PPARGC1A: variants seen among roughly 807,000 people sequenced by gnomAD.
The protein encoded by PPARGC1A is PPARG coactivator 1 alpha, also known as peroxisome proliferator-activated receptor gamma coactivator 1-alpha.
Under a neutral mutation model 88.7 loss-of-function variants are expected in PPARGC1A, and 25 were observed. The observed-to-expected ratio is 0.28, with a 90% CI of 0.21 to 0.39. PPARGC1A has a LOEUF of 0.39. Ranked by LOEUF, PPARGC1A falls within the 10% of genes least tolerant of loss-of-function variation. The pLI, the probability that PPARGC1A is intolerant of heterozygous loss-of-function variation, is 1.00. For synonymous variants in PPARGC1A, 363 were observed against 355.6 expected, an observed-to-expected ratio of 1.02 and a Z score of -0.24; for missense variants, 880 against 968.7, an observed-to-expected ratio of 0.91 and a Z score of 1.22.
At chr4:24,319,630 T>C in the PPARGC1A span, among the ~76,000 whole-genome samples, 1 of 152,204 alleles carries the variant, frequency 6.6e-6, no homozygotes, top group Non-Finnish European at 1.5e-5. Flanking sequence ...CTCATTACTG[T>C]AGACACTGTT....
chr4:23,948,758 T>C, the PPARGC1A span, among the ~76,000 whole-genome samples: 1 of 152,214 alleles, frequency 6.6e-6, no homozygotes, highest in Non-Finnish European at 1.5e-5. Flanking sequence ...TGATAAATTA[T>C]ATGATCACTC....
chr4:24,125,754 T>C, the PPARGC1A span, among the ~76,000 whole-genome samples: 2 of 152,244 alleles, frequency 1.3e-5, no homozygotes, highest in East Asian at 1.9e-4. Context: ...ATACCCCCAA[T>C]ATATTAAATT....
At chr4:24,344,725 T>G in the PPARGC1A span, among the ~76,000 whole-genome samples, 1 of 152,308 alleles carries the variant, frequency 6.6e-6, no homozygotes, top group South Asian at 2.1e-4. Flanking sequence ...CTGCTGACTC[T>G]TCCTTTTGCC....
the PPARGC1A span, among the ~76,000 whole-genome samples, chr4:23,952,330 C>G: frequency 1.3e-5 from 2 of 152,140 alleles, no homozygotes; most frequent in South Asian, 4.1e-4. Context: ...CCATATAAAG[C>G]CTCCCCTAGG....
the PPARGC1A span, among the ~76,000 whole-genome samples, chr4:24,465,147 C>T: frequency 2.6e-5 from 4 of 152,096 alleles, no homozygotes; most frequent in South Asian, 4.1e-4. Flanking sequence ...ATTACAGGTG[C>T]GAAAAACCGT....
At chr4:23,928,988 G>C in the PPARGC1A span, among the ~76,000 whole-genome samples, 10 of 152,138 alleles carry the variant, frequency 6.6e-5, no homozygotes, top group South Asian at 1.2e-3. Flanking sequence ...GATGCGGTTG[G>C]GGGAGGGAGA....
the PPARGC1A span, among the ~76,000 whole-genome samples, chr4:24,137,910 T>C: frequency 6.6e-6 from 1 of 152,230 alleles, no homozygotes; most frequent in Admixed American, 6.5e-5. Context: ...TTGATAATTC[T>C]ATGATGACAA....
chr4:24,376,467 C>T, the PPARGC1A span, among the ~76,000 whole-genome samples: 1 of 152,176 alleles, frequency 6.6e-6, no homozygotes, highest in South Asian at 2.1e-4. Context: ...ATAAAGCATC[C>T]TTCCATTTCC....
At chr4:24,095,712 T>G in the PPARGC1A span, among the ~76,000 whole-genome samples, 1 of 152,086 alleles carries the variant, frequency 6.6e-6, no homozygotes, top group Admixed American at 6.5e-5. Flanking sequence ...GAAACTTATT[T>G]CTCGCCATTC....
chr4:24,277,445 A>C, the PPARGC1A span, among the ~76,000 whole-genome samples: 1 of 150,536 alleles, frequency 6.6e-6, no homozygotes. Context: ...TCTTGCCCCC[A>C]CCCCTCCAAC....
the PPARGC1A span, among the ~76,000 whole-genome samples, chr4:24,438,246 G>GA: frequency 6.6e-6 from 1 of 151,512 alleles, no homozygotes; most frequent in Non-Finnish European, 1.5e-5. Context: ...CAACAGGATG[G>GA]AATTGCTGGG....
the PPARGC1A span, among the ~76,000 whole-genome samples, chr4:24,414,891 TTGA>T: frequency 5.9e-5 from 9 of 152,266 alleles, no homozygotes; most frequent in African/African-American, 2.2e-4. Flanking sequence ...GAGGCTGACC[TTGA>T]TGATGAAAAC....
At chr4:24,427,625 C>T in the PPARGC1A span, among the ~76,000 whole-genome samples, 3 of 152,066 alleles carry the variant, frequency 2.0e-5, no homozygotes, top group East Asian at 1.9e-4. Flanking sequence ...ACAGCTGCAG[C>T]GTGCCATAGG....
the PPARGC1A span, among the ~76,000 whole-genome samples, chr4:24,303,093 A>G: frequency 3.3e-5 from 5 of 152,228 alleles, 1 homozygote; most frequent in South Asian, 1.0e-3. Context: ...CCTTTCCCAC[A>G]TCTTCCATCT....
the PPARGC1A span, among the ~76,000 whole-genome samples, chr4:24,109,799 G>A: frequency 0.021 from 3,225 of 152,264 alleles, 121 homozygotes; most frequent in African/African-American, 0.068. Context: ...AGGATGAGGG[G>A]CAGGGAGGCA....
At chr4:24,054,260 G>A in the PPARGC1A span, among the ~76,000 whole-genome samples, 2 of 151,360 alleles carry the variant, frequency 1.3e-5, no homozygotes, top group African/African-American at 2.4e-5. Flanking sequence ...CTGAGGAGAG[G>A]TGGTGTCTGG....
intron 2 of PPARGC1A, among the ~76,000 whole-genome samples, chr4:23,847,087 G>C (rs1346276467): frequency 6.6e-6 from 1 of 152,128 alleles, no homozygotes. Flanking sequence ...CAGTATCTTT[G>C]GAGGTGGGAG....
At chr4:24,104,439 C>G in the PPARGC1A span, among the ~76,000 whole-genome samples, 19 of 152,138 alleles carry the variant, frequency 1.2e-4, no homozygotes, top group Admixed American at 1.2e-3. Flanking sequence ...AGAGAGAAAT[C>G]AGCTCAGATT....
chr4:23,899,565 T>C (rs1467797798), upstream of PPARGC1A, among the ~76,000 whole-genome samples: 3 of 152,186 alleles, frequency 2.0e-5, no homozygotes, highest in Admixed American at 1.3e-4. Flanking sequence ...TACTTGAAAG[T>C]ATGGCCAAAT....
Sources: allele counts gnomAD v4.1 joint callset (sites outside exome capture counted in the v4.1 genomes callset), GRCh38; gene constraint gnomAD v4.1.1; transcripts MANE v1.5; gene names NCBI Gene and HGNC (gene_info 2026-07-23, HGNC 2026-07-21).